Variants in NTM observed in about 807,000 individuals in gnomAD.
The protein encoded by NTM is neurotrimin, also known as IgLON family member 2.
NTM carries 13 observed loss-of-function variants against 42.1 expected under a neutral mutation model. The observed-to-expected ratio is 0.31, with a 90% CI of 0.20 to 0.49. NTM has a LOEUF of 0.49. NTM is among the 20% of genes least tolerant of loss of function. The probability of loss-of-function intolerance (pLI) is 0.99; values close to 1 mark genes in which losing one functional copy is unlikely to be tolerated. For missense variants in NTM, 373 were observed against 452.8 expected (o/e 0.82, Z 1.60); for synonymous variants, 187 against 179.2 (o/e 1.04, Z -0.35).
At chr11:131,929,768 C>T (rs904779389) in intron 2 of NTM, among the ~76,000 whole-genome samples, 7 of 152,270 alleles carry the variant, frequency 4.6e-5, no homozygotes, top group East Asian at 3.9e-4. Context: ...TGAAATTCCA[C>T]GAAGTCCGCT....
chr11:131,396,380 C>T (rs185369729), intron 1 of NTM, among the ~76,000 whole-genome samples: 6 of 152,294 alleles, frequency 3.9e-5, no homozygotes. Flanking sequence ...CACTTTCCTA[C>T]GCACAGCTTG....
intron 1 of NTM, among the ~76,000 whole-genome samples, chr11:131,387,706 C>T (rs1331232875): frequency 6.6e-6 from 1 of 152,118 alleles, no homozygotes; most frequent in Non-Finnish European, 1.5e-5. Context: ...ACATTCTATG[C>T]ATGTAGCAAA....
In NTM at chr11:132,109,139, A is replaced by C. The variant is rs957226591; in HGVS notation, c.168-37143A>C. 2.0e-5 allele frequency among the ~76,000 whole-genome samples: 3 copies of C among 152,122 alleles called. 1 individual carries two copies. The highest frequency in any genetic ancestry group is 1.3e-4 in the Admixed American group (2 of 15,274). On this transcript the variant is annotated intron_variant, in intron 2 of 8. Transcript: ENST00000683400. ...TTTGGGTTAGTTCCAAGTCTTTGCT[A>C]TTGTGAACAGTGCTGCAATAAACAT...
At chr11:131,397,946 T>C (rs1270390754) in intron 1 of NTM, among the ~76,000 whole-genome samples, 1 of 152,206 alleles carries the variant, frequency 6.6e-6, no homozygotes, top group Non-Finnish European at 1.5e-5. Flanking sequence ...ATTATGTCAG[T>C]ACAAAGGGCA....
At chr11:131,388,315 G>A (rs1943571893) in intron 1 of NTM, among the ~76,000 whole-genome samples, 2 of 151,860 alleles carry the variant, frequency 1.3e-5, no homozygotes, top group South Asian at 2.1e-4. Flanking sequence ...AGGGCTGCCA[G>A]ATTTAGCAAA....
chr11:131,691,558 G>GCCC (rs11434770), intron 1 of NTM, among the ~76,000 whole-genome samples: 96 of 143,146 alleles, frequency 6.7e-4, no homozygotes, highest in Middle Eastern at 3.5e-3. Context: ...TTCCCTGAAA[G>GCCC]CCCCCCCCCG....
intron 1 of NTM, among the ~76,000 whole-genome samples, chr11:131,825,207 A>G (rs1290897467): frequency 1.3e-5 from 2 of 152,252 alleles, no homozygotes; most frequent in South Asian, 2.1e-4. Flanking sequence ...TCTTGTATGC[A>G]TCTGTGCCCA....
chr11:131,972,551 A>G (rs1457577085), intron 2 of NTM, among the ~76,000 whole-genome samples: 15 of 152,150 alleles, frequency 9.9e-5, no homozygotes, highest in Non-Finnish European at 4.4e-5. Flanking sequence ...ATCATCTACT[A>G]AACTGTCTGT....
chr11:131,404,153 TC>T (rs1945554487), intron 1 of NTM, among the ~76,000 whole-genome samples: 2 of 152,258 alleles, frequency 1.3e-5, no homozygotes, highest in East Asian at 3.9e-4. Context: ...ACAATAAAGA[TC>T]TTCATGTACA....
intron 2 of NTM, among the ~76,000 whole-genome samples, chr11:131,915,002 G>A (rs2056046047): frequency 6.6e-6 from 1 of 152,180 alleles, no homozygotes. Flanking sequence ...CAGCTAGGAA[G>A]CTTTGAAGCC....
intron 1 of NTM, among the ~76,000 whole-genome samples, chr11:131,787,318 G>A (rs1591825691): frequency 6.7e-6 from 1 of 148,586 alleles, no homozygotes; most frequent in East Asian, 2.0e-4. Context: ...ATACTTCACA[G>A]TATTTTTATT....
At chr11:131,375,363 TTATGTC>T (rs1411905019) in intron 1 of NTM, among the ~76,000 whole-genome samples, 2 of 152,258 alleles carry the variant, frequency 1.3e-5, no homozygotes, top group Non-Finnish European at 2.9e-5. Flanking sequence ...CATGTTTACT[TTATGTC>T]TATAGTCATT....
At chr11:131,728,919 T>C (rs2079288382) in intron 1 of NTM, among the ~76,000 whole-genome samples, 1 of 152,158 alleles carries the variant, frequency 6.6e-6, no homozygotes, top group Admixed American at 6.5e-5. Context: ...CTAAAGACTT[T>C]AGGAGTTGTA....
At chr11:131,761,351 A>G (rs2084142236) in intron 1 of NTM, among the ~76,000 whole-genome samples, 1 of 152,210 alleles carries the variant, frequency 6.6e-6, no homozygotes. Context: ...CCCAAGGGTT[A>G]CAGATGGAAT....
intron 1 of NTM, among the ~76,000 whole-genome samples, chr11:131,616,131 G>C: frequency 6.6e-6 from 1 of 152,224 alleles, no homozygotes; most frequent in Non-Finnish European, 1.5e-5. Context: ...TTCATCAAGA[G>C]GTAGCAAATC....
intron 1 of NTM, among the ~76,000 whole-genome samples, chr11:131,680,246 G>A (rs2072208093): frequency 6.6e-6 from 1 of 152,188 alleles, no homozygotes; most frequent in Non-Finnish European, 1.5e-5. Context: ...TTACCAAAAT[G>A]AATCGGAAAA....
intron 3 of NTM, among the ~76,000 whole-genome samples, chr11:132,154,615 G>A (rs964115394): frequency 6.6e-6 from 1 of 152,184 alleles, no homozygotes; most frequent in Non-Finnish European, 1.5e-5. Context: ...TGAGGATGCT[G>A]CCGAGGATGA....
chr11:131,400,950 A>G (rs1565464227), intron 1 of NTM, among the ~76,000 whole-genome samples: 1 of 150,312 alleles, frequency 6.7e-6, no homozygotes, highest in Non-Finnish European at 1.5e-5. Context: ...CTTCTTCAGC[A>G]ATACCTTCCC....
At chr11:131,694,722 C>G (rs1164666767) in intron 1 of NTM, among the ~76,000 whole-genome samples, 2 of 152,078 alleles carry the variant, frequency 1.3e-5, no homozygotes, top group Non-Finnish European at 2.9e-5. Flanking sequence ...GAGGAGCTCT[C>G]GCTGAAGGAG....
Sources: allele counts gnomAD v4.1 joint callset (sites outside exome capture counted in the v4.1 genomes callset), GRCh38; gene constraint gnomAD v4.1.1; transcripts MANE v1.5; gene names NCBI Gene and HGNC (gene_info 2026-07-23, HGNC 2026-07-21).